VWA8: variants seen among roughly 807,000 people sequenced by gnomAD.
The protein encoded by VWA8 is von Willebrand factor A domain-containing protein 8.
In VWA8, 221 loss-of-function variants were observed where a neutral mutation model predicts 241.5. That is an observed-to-expected ratio of 0.91 (90% CI 0.82 to 1.02). The LOEUF (loss-of-function observed/expected upper bound fraction) is 1.02, where lower values mean the gene tolerates loss of function less well. Ranked by LOEUF, VWA8 falls within the 50% of genes least tolerant of loss-of-function variation. The pLI is 0.00. For missense variants in VWA8, 2,322 were observed against 2,328.7 expected (o/e 1.00, Z 0.06); for synonymous variants, 852 against 827.1 (o/e 1.03, Z -0.52).
Position 41,721,540 on chromosome 13 carries a change from T to TG in VWA8, c.2793dup (p.Lys932GlnfsTer18). ...AGCATCTCGAGCTCCGAGTGGGGTT[T>TG]GGGGTTATCAACTGCATGGCAGCTA... On this transcript the variant is annotated frameshift_variant, in exon 25 of 45. Transcript: ENST00000379310. LOFTEE classifies it high-confidence loss of function. 2 of 1,613,724 alleles carry TG rather than the reference T, an allele frequency of 1.2e-6. No homozygotes were observed. The highest frequency in any genetic ancestry group is 1.7e-6 in the Non-Finnish European group (2 of 1,179,768).
intron 34 of VWA8, among the ~76,000 whole-genome samples, chr13:41,688,137 A>T (rs1226472892): frequency 6.6e-6 from 1 of 152,148 alleles, no homozygotes; most frequent in African/African-American, 2.4e-5. Context: ...TTCATTTTGA[A>T]TTACATGATA....
At chr13:41,689,252 A>G in intron 34 of VWA8, 102 bp downstream of exon 34, 1 of 1,261,874 alleles carries the variant, frequency 7.9e-7, no homozygotes, top group Non-Finnish European at 1.1e-6. Flanking sequence ...CATGTTTACC[A>G]GGAAATTATG....
intron 29 of VWA8, among the ~76,000 whole-genome samples, chr13:41,693,540 T>A (rs1000416028): frequency 3.2e-4 from 49 of 152,100 alleles, no homozygotes; most frequent in African/African-American, 1.1e-3. Context: ...TAGTAATGAA[T>A]GTTCCTTCAT....
chr13:41,725,265 C>G (rs553774446), intron 24 of VWA8, among the ~76,000 whole-genome samples: 1 of 151,930 alleles, frequency 6.6e-6, no homozygotes, highest in Non-Finnish European at 1.5e-5. Flanking sequence ...GTGGTAGGAT[C>G]AATGGATTGA....
intron 12 of VWA8, among the ~76,000 whole-genome samples, chr13:41,856,560 C>T (rs533530668): frequency 3.9e-5 from 6 of 152,340 alleles, no homozygotes; most frequent in African/African-American, 1.4e-4. Flanking sequence ...GTGGCTAACG[C>T]CTGTAATCCG....
intron 2 of VWA8, among the ~76,000 whole-genome samples, chr13:41,912,987 C>CA (rs1259149556): frequency 2.6e-5 from 4 of 152,010 alleles, no homozygotes; most frequent in African/African-American, 9.7e-5. Context: ...GTATAATACT[C>CA]AGAGCAGAAC....
chr13:41,752,930 A>G (rs1255335334), intron 21 of VWA8, among the ~76,000 whole-genome samples: 1 of 152,194 alleles, frequency 6.6e-6, no homozygotes. Flanking sequence ...AATGGTACAA[A>G]TTCAATTCTG....
chr13:41,587,528 T>A lies in VWA8; in HGVS notation c.5255A>T (p.Tyr1752Phe), dbSNP rs750476980. The change falls in exon 42 of 45, where the codon TAT becomes TTT. Residue 1752 changes from tyrosine to phenylalanine, a missense_variant. Transcript: ENST00000379310. ...TGTCATTACCTGGAACTTCTCCTCATAGTTCTCGAAGGCTTCCATGACCAT... is the reference window on the plus strand; with the variant it reads ...TGTCATTACCTGGAACTTCTCCTCAAAGTTCTCGAAGGCTTCCATGACCAT... ...VCMVMEAFEN[Y>F]EEKFQYDIVG... 4 of 1,614,160 alleles carry A rather than the reference T, an allele frequency of 2.5e-6. No individual in the cohort carries two copies. Among genetic ancestry groups the A allele is most frequent in the Non-Finnish European group, 3.4e-6 (4 of 1,180,026 alleles).
rs559189012 is a variant in VWA8, at chr13:41,716,756, C to A, written c.3116+2835G>T. Among the ~76,000 whole-genome samples, 16 of 152,094 alleles carry A rather than the reference C, an allele frequency of 1.1e-4. 1 individual carries two copies. Among genetic ancestry groups the A allele is most frequent in the African/African-American group, 3.9e-4 (16 of 41,532 alleles). On this transcript the variant is annotated intron_variant, in intron 26 of 44. Coordinates refer to ENST00000379310, the MANE Select transcript of VWA8 (RefSeq NM_015058.2). Reference sequence around the variant, plus strand: ...TGTAGCAAGAACTGTTCATTCAGGGCAAAAAGATACTAATAGTATTAAACC... The same window carrying A: ...TGTAGCAAGAACTGTTCATTCAGGGAAAAAAGATACTAATAGTATTAAACC...
At chr13:41,674,183 A>G (rs985806086) in intron 36 of VWA8, among the ~76,000 whole-genome samples, 3 of 152,122 alleles carry the variant, frequency 2.0e-5, no homozygotes, top group African/African-American at 7.2e-5. Flanking sequence ...TAATCTGATT[A>G]AAGGGTCCTA....
At chr13:41,734,122 G>A (rs1477344755) in intron 21 of VWA8, among the ~76,000 whole-genome samples, 3 of 152,124 alleles carry the variant, frequency 2.0e-5, no homozygotes, top group Non-Finnish European at 2.9e-5. Context: ...GGCAGATCAC[G>A]AGGTCAGAAG....
At chr13:41,758,404 A>AC (rs2045712432) in intron 21 of VWA8, among the ~76,000 whole-genome samples, 1 of 80,770 alleles carries the variant, frequency 1.2e-5, no homozygotes, top group African/African-American at 4.4e-5. Context: ...GCTAGTATAT[A>AC]TATATATATA....
At chr13:41,788,911 T>A (rs190521895) in intron 17 of VWA8, among the ~76,000 whole-genome samples, 216 of 152,302 alleles carry the variant, frequency 1.4e-3, no homozygotes, top group South Asian at 7.7e-3. Context: ...TGGCCCTGTG[T>A]GGAAACATTT....
intron 40 of VWA8, among the ~76,000 whole-genome samples, chr13:41,602,638 A>G (rs1159133469): frequency 6.6e-6 from 1 of 152,140 alleles, no homozygotes; most frequent in Non-Finnish European, 1.5e-5. Flanking sequence ...AGCAAGTACA[A>G]TGAAGGTAAC....
At chr13:41,935,034 T>G (rs1247122046) in intron 2 of VWA8, among the ~76,000 whole-genome samples, 2 of 152,122 alleles carry the variant, frequency 1.3e-5, no homozygotes, top group Non-Finnish European at 2.9e-5. Context: ...ATGTTGATTA[T>G]GTTTTATATT....
intron 5 of VWA8, among the ~76,000 whole-genome samples, chr13:41,890,400 G>T (rs114453951): frequency 2.4e-4 from 36 of 152,358 alleles, no homozygotes; most frequent in African/African-American, 8.7e-4. Context: ...AGTCACAGAA[G>T]GCTGGGTTAG....
At chr13:41,629,562 C>T (rs1003386876) in intron 37 of VWA8, among the ~76,000 whole-genome samples, 1 of 152,066 alleles carries the variant, frequency 6.6e-6, no homozygotes, top group Non-Finnish European at 1.5e-5. Context: ...ATTATGTTCT[C>T]AATACTGTAA....
chr13:41,698,586 C>T (rs896966741), intron 29 of VWA8, among the ~76,000 whole-genome samples: 10 of 152,130 alleles, frequency 6.6e-5, no homozygotes, highest in South Asian at 2.1e-4. Flanking sequence ...TACCAAAAAA[C>T]GTCATTCGGG....
In VWA8 at chr13:41,811,328, C is replaced by CTAATGATTGTGCCTA. The variant is rs1870461147; in HGVS notation, c.1948-3_1959dup (p.Leu653_Ala654insTer). The CTAATGATTGTGCCTA allele has an allele frequency of 2.5e-6, 4 of 1,609,000 alleles. No individual in the cohort carries two copies. In the African/African-American group the frequency reaches 5.3e-5, roughly 21 times the overall value. On this transcript the variant is annotated stop_gained and inframe_insertion, in exon 17 of 45. Coordinates refer to ENST00000379310, the MANE Select transcript of VWA8 (RefSeq NM_015058.2). LOFTEE classifies it high-confidence loss of function. ...AGTTGTCTGGTAGAAAGTGATGCCG[C>CTAATGATTGTGCCTA]TAATGATTGTGCCTATCAAAAGACA... is the stretch of plus-strand genomic sequence containing the variant.
Sources: allele counts gnomAD v4.1 joint callset (sites outside exome capture counted in the v4.1 genomes callset), GRCh38; gene constraint gnomAD v4.1.1; transcripts MANE v1.5; gene names NCBI Gene and HGNC (gene_info 2026-07-23, HGNC 2026-07-21).